The following PAG1 variants were observed in gnomAD, a reference collection of about 807,000 sequenced individuals.
The protein encoded by PAG1 is phosphoprotein associated with glycosphingolipid-enriched microdomains 1.
A neutral mutation model predicts 31.7 loss-of-function variants in PAG1; 23 were observed. That is an observed-to-expected ratio of 0.73 (90% confidence interval 0.52 to 1.03). The LOEUF is 1.03. PAG1 is among the 50% of genes least tolerant of loss of function. The pLI is 0.00. For missense variants in PAG1, 473 were observed against 540.7 expected, an observed-to-expected ratio of 0.87 and a Z score of 1.24; for synonymous variants, 214 against 210.3, an observed-to-expected ratio of 1.02 and a Z score of -0.15.
intron 2 of PAG1, among the ~76,000 whole-genome samples, chr8:81,042,167 A>G (rs1808564798): frequency 6.6e-6 from 1 of 152,204 alleles, no homozygotes; most frequent in Admixed American, 6.5e-5. Flanking sequence ...TGGGGTACCA[A>G]CTATACTCTG....
At chr8:81,058,724 C>G (rs897255787) in intron 2 of PAG1, 1 of 151,784 alleles carries the variant, frequency 6.6e-6, no homozygotes, top group Non-Finnish European at 1.5e-5. Context: ...TAGAAAGACC[C>G]TGTCTTTACG....
At chr8:81,056,741 G>A (rs1030346649) in intron 2 of PAG1, among the ~76,000 whole-genome samples, 3 of 152,108 alleles carry the variant, frequency 2.0e-5, no homozygotes, top group Non-Finnish European at 4.4e-5. Context: ...AAACTAAAGA[G>A]CTTCTGCAGA....
At chr8:81,052,804 C>G (rs180981910) in intron 2 of PAG1, among the ~76,000 whole-genome samples, 237 of 152,292 alleles carry the variant, frequency 1.6e-3, no homozygotes, top group Admixed American at 5.2e-3. Context: ...CTGCTTTTGA[C>G]TTAAATGCTA....
At chr8:81,035,513 C>T (rs1808448438) in intron 2 of PAG1, among the ~76,000 whole-genome samples, 1 of 152,126 alleles carries the variant, frequency 6.6e-6, no homozygotes, top group Admixed American at 6.5e-5. Context: ...GGGCGAGGCA[C>T]AGAGAGAGTA....
chr8:81,015,113 T>C (rs1452866672), intron 3 of PAG1, among the ~76,000 whole-genome samples: 11 of 152,218 alleles, frequency 7.2e-5, no homozygotes, highest in Non-Finnish European at 7.3e-5. Flanking sequence ...CCAGTTCACA[T>C]CACTGATTAG....
chr8:81,032,237 T>C (rs1240229884), intron 2 of PAG1, among the ~76,000 whole-genome samples: 2 of 151,962 alleles, frequency 1.3e-5, no homozygotes, highest in African/African-American at 2.4e-5. Context: ...ATAAAAATAT[T>C]TGTAATTTAA....
At chr8:81,060,529 A>G (rs1458799183) in intron 2 of PAG1, among the ~76,000 whole-genome samples, 3 of 152,220 alleles carry the variant, frequency 2.0e-5, no homozygotes, top group Non-Finnish European at 4.4e-5. Flanking sequence ...AATAGAAGAA[A>G]GCTATTCTTT....
At chr8:81,008,295 T>G in intron 3 of PAG1, among the ~76,000 whole-genome samples, 1 of 152,152 alleles carries the variant, frequency 6.6e-6, no homozygotes, top group Admixed American at 6.5e-5. Context: ...CATGTTATAG[T>G]GTTTCAGGAA....
intron 1 of PAG1, among the ~76,000 whole-genome samples, chr8:81,095,142 T>C (rs1000318900): frequency 1.6e-4 from 25 of 152,198 alleles, no homozygotes; most frequent in Admixed American, 8.5e-4. Flanking sequence ...GGTACACAAG[T>C]TGGCATTTTA....
intron 1 of PAG1, among the ~76,000 whole-genome samples, chr8:81,074,547 G>C (rs954053769): frequency 2.0e-5 from 3 of 152,236 alleles, no homozygotes; most frequent in South Asian, 4.2e-4. Context: ...AGGATGAAAT[G>C]GTTGAGGAGA....
chr8:81,041,152 A>T (rs1409435249), intron 2 of PAG1, among the ~76,000 whole-genome samples: 2 of 152,188 alleles, frequency 1.3e-5, no homozygotes, highest in Non-Finnish European at 2.9e-5. Flanking sequence ...TGTGAGAGCG[A>T]GGAGCAAGAA....
At chr8:81,024,892 C>T (rs1472503576) in intron 3 of PAG1, among the ~76,000 whole-genome samples, 1 of 152,132 alleles carries the variant, frequency 6.6e-6, no homozygotes, top group Non-Finnish European at 1.5e-5. Flanking sequence ...CCTCATTTTA[C>T]CCTCACCAAT....
chr8:81,089,892 T>C lies in PAG1; in HGVS notation c.-233-19722A>G, dbSNP rs573896612. Reference sequence around the variant, plus strand: ...ACAAATCTGTGAAGGAAGATGTTGATTGAAATTGCATTAAAATTATAGATT... The same window carrying C: ...ACAAATCTGTGAAGGAAGATGTTGACTGAAATTGCATTAAAATTATAGATT... On this transcript the variant is annotated intron_variant, in intron 1 of 8. Transcript: ENST00000220597. Among the ~76,000 whole-genome samples the C allele has an allele frequency of 5.7e-4, 87 of 152,296 alleles. 1 individual carries two copies. Among genetic ancestry groups the C allele is most frequent in the African/African-American group, 2.0e-3 (82 of 41,552 alleles).
At chr8:81,029,084 T>C (rs940427774) in intron 3 of PAG1, among the ~76,000 whole-genome samples, 5 of 152,200 alleles carry the variant, frequency 3.3e-5, no homozygotes, top group Admixed American at 3.3e-4. Flanking sequence ...TACACAAATA[T>C]CTTTATAAGG....
At chr8:81,057,656 G>A (rs954633457) in intron 2 of PAG1, among the ~76,000 whole-genome samples, 2 of 152,082 alleles carry the variant, frequency 1.3e-5, no homozygotes, top group Non-Finnish European at 2.9e-5. Context: ...CATGGCACAT[G>A]TATACATATG....
At chr8:81,100,890 A>G (rs1214152675) in intron 1 of PAG1, among the ~76,000 whole-genome samples, 1 of 152,238 alleles carries the variant, frequency 6.6e-6, no homozygotes, top group South Asian at 2.1e-4. Context: ...AAGTGTCCAA[A>G]TGCCAAATAG....
Position 80,967,970 on chromosome 8 carries a change from T to G in PAG1, c.*8574A>C, listed in dbSNP as rs1370140023. ...AACTATAAGATATTACAAGTTAAAC[T>G]CCAGTCTTTTCTGGATATTCAATTG... On this transcript the variant is annotated 3_prime_UTR_variant, in exon 9 of 9. Transcript: ENST00000220597. 1 of 152,026 alleles carries G rather than the reference T, an allele frequency of 6.6e-6. No individual in the cohort carries two copies. 9.4% of individuals were successfully genotyped at this position (152,026 alleles called of 1,614,324 possible). A position where few individuals can be genotyped will look rare whatever the true frequency, so the allele number is the denominator to read the frequency against.
chr8:81,095,697 A>C (rs1027773369), intron 1 of PAG1, among the ~76,000 whole-genome samples: 1 of 152,202 alleles, frequency 6.6e-6, no homozygotes, highest in Non-Finnish European at 1.5e-5. Context: ...GTTTGCTTCT[A>C]TATGTACTAC....
chr8:80,981,467 G>A (rs1807298747), intron 7 of PAG1, among the ~76,000 whole-genome samples: 1 of 151,942 alleles, frequency 6.6e-6, no homozygotes, highest in African/African-American at 2.4e-5. Flanking sequence ...TCAACTCACA[G>A]TCTACTTTGC....
Sources: allele counts gnomAD v4.1 joint callset (sites outside exome capture counted in the v4.1 genomes callset), GRCh38; gene constraint gnomAD v4.1.1; transcripts MANE v1.5; gene names NCBI Gene and HGNC (gene_info 2026-07-23, HGNC 2026-07-21).